The following DCTN2 variants were observed in gnomAD, a reference collection of about 807,000 sequenced individuals.
DCTN2 encodes the protein dynactin subunit 2, also known as 50 kDa dynein-associated polypeptide.
In DCTN2, 18 loss-of-function variants were observed where a neutral mutation model predicts 55.4. That is an observed-to-expected ratio of 0.32 (90% CI 0.22 to 0.48). The LOEUF is 0.48. DCTN2 is among the 20% of genes least tolerant of loss of function. The probability of loss-of-function intolerance (pLI) is 0.99; values close to 1 mark genes in which losing one functional copy is unlikely to be tolerated. For synonymous variants in DCTN2, 168 were observed against 185.2 expected, an observed-to-expected ratio of 0.91 and a Z score of 0.76; for missense variants, 390 against 491.0, an observed-to-expected ratio of 0.79 and a Z score of 1.94.
Position 57,543,953 on chromosome 12 carries a change from C to G in DCTN2, c.105+2075G>C. On this transcript the variant is annotated intron_variant, in intron 2 of 13. Coordinates refer to ENST00000548249, the MANE Select transcript of DCTN2 (RefSeq NM_001261413.2). ...AGCTGCACAGTCAGGTTCTTCCACACCTGGAATGGGTGTCATCTCCTTTTT... is the reference window on the plus strand; with the variant it reads ...AGCTGCACAGTCAGGTTCTTCCACAGCTGGAATGGGTGTCATCTCCTTTTT... 4 of 526,234 alleles carry G rather than the reference C, an allele frequency of 7.6e-6. 1 individual carries two copies. Among genetic ancestry groups the G allele is most frequent in the South Asian group, 4.6e-5 (3 of 65,462 alleles). The allele number at this position is 526,234 out of a possible 1,614,324, so 32.6% of individuals were successfully genotyped here. A position where few individuals can be genotyped will look rare whatever the true frequency, so the allele number is the denominator to read the frequency against.
At position 57,547,028 on chromosome 12, in the gene DCTN2, A is replaced by G; in HGVS notation, c.36T>C (p.Ile12=). The G allele has an allele frequency of 7.7e-7, 1 of 1,290,336 alleles. No individual in the cohort carries two copies. The highest frequency in any genetic ancestry group is 3.4e-5 in the South Asian group (1 of 29,034). The allele number at this position is 1,290,336 out of a possible 1,614,324, so 79.9% of individuals were successfully genotyped here. Residue 12 remains isoleucine (I), a splice_region_variant and synonymous_variant, in exon 1 of 14, where the codon ATT becomes ATC. Transcript: ENST00000548249. ...ADPKYADLPG[I]ARNEPDVYET... is the part of the protein sequence containing the mutation. ...GAGCCGGGGCCGGTCCTGTACTCAC[A>G]ATGCCGGGAAGGTCGGCGTATTTAG...
In DCTN2 at chr12:57,535,740, C is replaced by T; in HGVS notation, c.202+9G>A. On this transcript the variant is annotated intron_variant, in intron 3 of 13. Transcript: ENST00000548249. Reference sequence around the variant, plus strand: ...TCTTCCCCCCACCCAGCTTCCAGCCCAGTCTCACCAAGTCCCTTTGTCCCC... The same window carrying T: ...TCTTCCCCCCACCCAGCTTCCAGCCTAGTCTCACCAAGTCCCTTTGTCCCC... The T allele has an allele frequency of 6.2e-7, 1 of 1,611,552 alleles. No homozygotes were observed. Among genetic ancestry groups the T allele is most frequent in the South Asian group, 1.1e-5 (1 of 90,988 alleles).
intron 2 of DCTN2, chr12:57,541,348 CA>C: frequency 6.3e-7 from 1 of 1,598,362 alleles, no homozygotes; most frequent in South Asian, 1.1e-5. Context: ...AGAGAAGAAG[CA>C]TTGAATGGTC....
At chr12:57,535,925 C>A in intron 2 of DCTN2, 80 bp from the exon 3 acceptor site, 1 of 1,103,018 alleles carries the variant, frequency 9.1e-7, no homozygotes, top group East Asian at 2.6e-5. Flanking sequence ...ATCCCCAAAC[C>A]ATTAGGTGAC....
chr12:57,533,168 A>C (rs1879898655), intron 8 of DCTN2, 70 bp downstream of exon 8: 1 of 1,585,456 alleles, frequency 6.3e-7, no homozygotes, highest in African/African-American at 1.3e-5. Context: ...GCTTATGTGG[A>C]ATGTTGTAGA....
intron 2 of DCTN2, among the ~76,000 whole-genome samples, chr12:57,545,246 C>T (rs191565200): frequency 6.6e-6 from 1 of 152,308 alleles, no homozygotes; most frequent in Non-Finnish European, 1.5e-5. Flanking sequence ...ATAAACACAC[C>T]TCTTGGCACT....
intron 2 of DCTN2, among the ~76,000 whole-genome samples, chr12:57,545,681 A>G (rs1881090939): frequency 6.6e-6 from 1 of 152,240 alleles, no homozygotes; most frequent in African/African-American, 2.4e-5. Flanking sequence ...GTTTATTACA[A>G]GTGCCCAGGC....
chr12:57,546,157 C>G (rs778621392), intron 1 of DCTN2, 61 bp from the exon 2 acceptor site: 6 of 1,489,152 alleles, frequency 4.0e-6, no homozygotes, highest in African/African-American at 2.8e-5. Flanking sequence ...CACCCCTTCC[C>G]CCACTCCATT....
chr12:57,544,820 A>G (rs775595506), intron 2 of DCTN2, among the ~76,000 whole-genome samples: 2 of 152,168 alleles, frequency 1.3e-5, no homozygotes, highest in Non-Finnish European at 2.9e-5. Context: ...TTCCTATAAG[A>G]TGCCTCTTGG....
intron 7 of DCTN2, 82 bp from the exon 8 acceptor site, chr12:57,533,385 C>T (rs1879921273): frequency 1.6e-6 from 2 of 1,239,748 alleles, no homozygotes; most frequent in Admixed American, 1.7e-5. Context: ...TCTACTCTGC[C>T]TGCCACTCAC....
At chr12:57,538,807 A>ACAG (rs1458905717) in intron 2 of DCTN2, among the ~76,000 whole-genome samples, 1 of 152,192 alleles carries the variant, frequency 6.6e-6, no homozygotes, top group Non-Finnish European at 1.5e-5. Flanking sequence ...TTTGCCATTA[A>ACAG]CAGCAGCAGT....
chr12:57,532,609 T>C lies in DCTN2; in HGVS notation c.887A>G (p.His296Arg). Residue 296 changes from histidine (H) to arginine (R), a missense_variant, in exon 11 of 14, where the codon CAT becomes CGT. His to Arg is a conservative substitution (Grantham distance 29). This residue lies in a region of DCTN2 where 273 missense variants were observed against 303.2 expected (regional missense o/e 0.90). Coordinates refer to ENST00000548249, the MANE Select transcript of DCTN2 (RefSeq NM_001261413.2). ...ATCTGCATCTTCTACAGAGGCTTTA[T>C]GCTTGGCAATCTCGTTCACCTTTCC... ...VLGKVNEIAK[H>R]KASVEDADTQ... is the part of the protein sequence containing the mutation. 6.2e-7 allele frequency: 1 copy of C among 1,614,028 alleles called. No individual in the cohort carries two copies. The highest frequency in any genetic ancestry group is 8.5e-7 in the Non-Finnish European group (1 of 1,179,888).
intron 2 of DCTN2, among the ~76,000 whole-genome samples, chr12:57,542,033 G>A (rs1880736108): frequency 6.6e-6 from 1 of 152,192 alleles, no homozygotes; most frequent in African/African-American, 2.4e-5. Context: ...CCAGCACTCT[G>A]GGAGGCCTAG....
At position 57,535,138 on chromosome 12, in the gene DCTN2, C is replaced by T. The variant is rs373896140; in HGVS notation, c.281G>A (p.Gly94Glu). 228 of 1,613,520 alleles carry T rather than the reference C, an allele frequency of 1.4e-4. No individual in the cohort carries two copies. The highest frequency in any genetic ancestry group is 1.9e-4 in the Non-Finnish European group (225 of 1,179,732). The change falls in exon 5 of 14, where the codon GGA becomes GAA. Residue 94 changes from glycine (G) to glutamate (E), a missense_variant. Physicochemically the swap from Gly to Glu is moderately conservative, Grantham distance 98. Coordinates refer to ENST00000548249, the MANE Select transcript of DCTN2 (RefSeq NM_001261413.2). ...GEYEMLGEGL[G>E]VKETPQQKYQ... ...CTTTTGCTGGGGTGTCTCCTTCACT[C>T]CCAGACCCTCTCCAAGCTAGAGAGC...
chr12:57,532,789 C>A lies in DCTN2; in HGVS notation c.796G>T (p.Ala266Ser). Residue 266 changes from alanine to serine, a missense_variant, in exon 10 of 14, where the codon GCA becomes TCA. Physicochemically the swap from Ala to Ser is moderately conservative, Grantham distance 99. Coordinates refer to ENST00000548249, the MANE Select transcript of DCTN2 (RefSeq NM_001261413.2). The stretch of plus-strand genomic sequence containing the variant: ...GCAAGGTCTAGGGCGCTCACCTTTG[C>A]TTGCAACAGCTCTACAGTCTCCTGG... ...CLMETVELLQ[A>S]KVSALDLAVL... 6.2e-7 allele frequency: 1 copy of A among 1,613,994 alleles called. No homozygotes were observed. Among genetic ancestry groups the A allele is most frequent in the Non-Finnish European group, 8.5e-7 (1 of 1,179,898 alleles).
At chr12:57,533,823 A>G (rs1879974533) in intron 7 of DCTN2, 130 bp downstream of exon 7, 1 of 999,830 alleles carries the variant, frequency 1.0e-6, no homozygotes, top group East Asian at 2.6e-5. Flanking sequence ...AGGAATCAAA[A>G]GAGGAATCAA....
Position 57,530,300 on chromosome 12 carries a change from C to T in DCTN2, c.*389G>A, listed in dbSNP as rs1393861255. 5.9e-6 allele frequency: 1 copy of T among 168,708 alleles called. No individual in the cohort carries two copies. Among genetic ancestry groups the T allele is most frequent in the Non-Finnish European group, 1.3e-5 (1 of 78,872 alleles). The allele number at this position is 168,708 out of a possible 1,614,324, so 10.5% of individuals were successfully genotyped here. A position where few individuals can be genotyped will look rare whatever the true frequency, so the allele number is the denominator to read the frequency against. On this transcript the variant is annotated 3_prime_UTR_variant, in exon 14 of 14. Transcript: ENST00000548249. ...GCTGCTTCCTCCCCAGGAAACACAGCAGAGGCCACACAGAGTACAACAGCA... is the reference window on the plus strand; with the variant it reads ...GCTGCTTCCTCCCCAGGAAACACAGTAGAGGCCACACAGAGTACAACAGCA...
chr12:57,535,196 CAGGGAG>C, intron 4 of DCTN2, 42 bp from the exon 5 acceptor site: 1 of 1,512,786 alleles, frequency 6.6e-7, no homozygotes, highest in Non-Finnish European at 9.1e-7. Flanking sequence ...TGTCTCATTA[CAGGGAG>C]CCTCAAGAAT....
chr12:57,538,329 C>T (rs1880410694), intron 2 of DCTN2: 2 of 649,786 alleles, frequency 3.1e-6, no homozygotes, highest in Non-Finnish European at 2.9e-6. Context: ...AGCACCTACT[C>T]CAGCAGTGTC....
Sources: allele counts gnomAD v4.1 joint callset (sites outside exome capture counted in the v4.1 genomes callset), GRCh38; gene constraint gnomAD v4.1.1; regional missense constraint gnomAD v4.1.1; transcripts MANE v1.5; gene names NCBI Gene and HGNC (gene_info 2026-07-23, HGNC 2026-07-21).